Variants in GAD2 observed in about 807,000 individuals in gnomAD.
GAD2 encodes glutamate decarboxylase 2.
In GAD2, 22 loss-of-function variants were observed where a neutral mutation model predicts 80.1. The observed-to-expected ratio is 0.27, with a 90% CI of 0.20 to 0.39. The LOEUF is 0.39. Ranked by LOEUF, GAD2 falls within the 10% of genes least tolerant of loss-of-function variation. The pLI is 1.00. For synonymous variants in GAD2, 274 were observed against 256.9 expected, an observed-to-expected ratio of 1.07 and a Z score of -0.64; for missense variants, 624 against 738.4, an observed-to-expected ratio of 0.85 and a Z score of 1.80.
At position 26,292,913 on chromosome 10, in the gene GAD2, A is replaced by C; in HGVS notation, c.1506A>C (p.Thr502=). 2 of 1,613,924 alleles carry C rather than the reference A, an allele frequency of 1.2e-6. No individual in the cohort carries two copies. The highest frequency in any genetic ancestry group is 1.7e-6 in the Non-Finnish European group (2 of 1,179,864). The change falls in exon 15 of 16, where the codon ACA becomes ACC. Residue 502 remains threonine (T), a synonymous_variant. Transcript: ENST00000376261. ...TTTCCTCTTTGTAGCCTCAGCACAC[A>C]AATGTCTGCTTCTGGTACATTCCTC... ...EMVFDGKPQH[T]NVCFWYIPPS... is the part of the protein sequence containing the mutation.
chr10:26,276,370 ATTTATT>A (rs953142856), intron 11 of GAD2, among the ~76,000 whole-genome samples: 18 of 151,854 alleles, frequency 1.2e-4, no homozygotes, highest in Non-Finnish European at 2.2e-4. Flanking sequence ...TTGTATTTTT[ATTTATT>A]TTTATTTTTA....
chr10:26,280,832 A>G (rs1203561477), intron 11 of GAD2, among the ~76,000 whole-genome samples, 177 bp from the exon 12 acceptor site: 6 of 152,010 alleles, frequency 3.9e-5, no homozygotes, highest in Admixed American at 3.9e-4. Context: ...ATATACGTGT[A>G]ATAAATCTAC....
intron 7 of GAD2, among the ~76,000 whole-genome samples, chr10:26,239,858 G>C (rs1318339858): frequency 6.6e-6 from 1 of 152,192 alleles, no homozygotes; most frequent in African/African-American, 2.4e-5. Context: ...CAGAAGACCA[G>C]GAAAGCCAAC....
At chr10:26,224,331 A>G (rs8190615) in intron 5 of GAD2, among the ~76,000 whole-genome samples, 2,924 of 152,284 alleles carry the variant, frequency 0.019, 97 homozygotes, top group African/African-American at 0.066. Flanking sequence ...GCATTATGTC[A>G]GTAGTTGGAG....
upstream of GAD2, chr10:26,216,739 G>C: frequency 1.4e-6 from 2 of 1,379,546 alleles, no homozygotes; most frequent in South Asian, 1.2e-5. The surrounding 1 kb of genome is among the most constrained non-coding windows in gnomAD (Gnocchi z 4.7). Flanking sequence ...GCACGCGCGC[G>C]CAGGGCCAAG....
chr10:26,271,452 C>T (rs189256713), intron 10 of GAD2, among the ~76,000 whole-genome samples: 1 of 152,292 alleles, frequency 6.6e-6, no homozygotes, highest in East Asian at 1.9e-4. Context: ...TGTGGTTTGA[C>T]GATTAGCTAC....
intron 8 of GAD2, among the ~76,000 whole-genome samples, chr10:26,255,955 A>G (rs1417283473): frequency 1.3e-5 from 2 of 152,132 alleles, no homozygotes; most frequent in African/African-American, 4.8e-5. Context: ...GGCTTAGCCT[A>G]TGTTGACAAG....
rs1321248789 is a variant in GAD2 at position 26,219,241 on chromosome 10, A to T, written c.485A>T (p.His162Leu). The change falls in exon 4 of 16, where the codon CAT becomes CTT. Residue 162 changes from histidine (H) to leucine (L), a missense_variant. Physicochemically the swap from His to Leu is moderately conservative, Grantham distance 99. Coordinates refer to ENST00000376261, the MANE Select transcript of GAD2 (RefSeq NM_001134366.2). ...CAAAATTTGGAGGAAATTTTGATGCATTGCCAAACAACTCTAAAATATGCA... is the reference window on the plus strand; with the variant it reads ...CAAAATTTGGAGGAAATTTTGATGCTTTGCCAAACAACTCTAAAATATGCA... ...QPQNLEEILM[H>L]CQTTLKYAIK... 6.2e-7 allele frequency: 1 copy of T among 1,613,054 alleles called. No individual in the cohort carries two copies. The highest frequency in any genetic ancestry group is 8.5e-7 in the Non-Finnish European group (1 of 1,179,220).
intron 3 of GAD2, 149 bp from the exon 4 acceptor site, chr10:26,218,894 C>A: frequency 1.9e-6 from 1 of 540,050 alleles, no homozygotes; most frequent in Non-Finnish European, 3.1e-6. Context: ...AAAAATGTCT[C>A]CCTTTTAAAG....
chr10:26,245,258 G>A (rs1328069445), intron 7 of GAD2, among the ~76,000 whole-genome samples: 1 of 151,986 alleles, frequency 6.6e-6, no homozygotes, highest in Admixed American at 6.6e-5. Flanking sequence ...AGGAAAAATA[G>A]CTAATGCATG....
At position 26,301,616 on chromosome 10, in the gene GAD2, T is replaced by C. The variant is rs1036429883; in HGVS notation, c.*655T>C. ...AGGCACAATAAAACACTTAGCAAAG[T>C]TATTTTGAAACATTGACCCACGAAA... is the stretch of plus-strand genomic sequence containing the variant. On this transcript the variant is annotated 3_prime_UTR_variant, in exon 16 of 16. Coordinates refer to ENST00000376261, the MANE Select transcript of GAD2 (RefSeq NM_001134366.2). 22 of 152,178 alleles carry C rather than the reference T, an allele frequency of 1.4e-4. No homozygotes were observed. The highest frequency in any genetic ancestry group is 3.2e-4 in the Non-Finnish European group (22 of 68,036). The allele number at this position is 152,178 out of a possible 1,614,324, so 9.4% of individuals were successfully genotyped here. A position where few individuals can be genotyped will look rare whatever the true frequency, so the allele number is the denominator to read the frequency against.
In GAD2 at chr10:26,281,027, G is replaced by A; in HGVS notation, c.1176G>A (p.Trp392Ter). 6.2e-7 allele frequency: 1 copy of A among 1,613,828 alleles called. No homozygotes were observed. The highest frequency in any genetic ancestry group is 8.5e-7 in the Non-Finnish European group (1 of 1,179,790). Residue 392 changes from tryptophan to a stop codon, truncating the protein, a stop_gained, in exon 12 of 16, where the codon TGG (tryptophan) becomes TGA (stop). Coordinates refer to ENST00000376261, the MANE Select transcript of GAD2 (RefSeq NM_001134366.2). LOFTEE classifies it high-confidence loss of function. ...ATTTTAGGGCCAACTCTGTGACGTG[G>A]AATCCACACAAGATGATGGGAGTCC... ...SGVERANSVT[W>*]NPHKMMGVPL... is the part of the protein sequence containing the mutation.
At chr10:26,256,887 A>G (rs1436311083) in intron 8 of GAD2, among the ~76,000 whole-genome samples, 1 of 152,176 alleles carries the variant, frequency 6.6e-6, no homozygotes, top group Non-Finnish European at 1.5e-5. Context: ...ATGTTCACCC[A>G]CTAGTTTAGC....
chr10:26,226,143 G>A (rs1844519574), intron 6 of GAD2, among the ~76,000 whole-genome samples: 1 of 152,012 alleles, frequency 6.6e-6, no homozygotes, highest in African/African-American at 2.4e-5. Context: ...AGTTTTAATG[G>A]TCCCCGGGAG....
intron 4 of GAD2, among the ~76,000 whole-genome samples, chr10:26,221,312 G>T (rs943648519): frequency 6.6e-6 from 1 of 152,188 alleles, no homozygotes; most frequent in African/African-American, 2.4e-5. Context: ...TTCCACTTGG[G>T]CTCCAAGCTT....
chr10:26,238,005 GACACACACACACACAC>G (rs58551669), intron 7 of GAD2, among the ~76,000 whole-genome samples: 42 of 118,284 alleles, frequency 3.6e-4, no homozygotes, highest in Non-Finnish European at 2.5e-4. Flanking sequence ...CCATCACACA[GACACACACACACACAC>G]ACACACACAC....
chr10:26,246,853 A>G (rs1202842131), intron 8 of GAD2, among the ~76,000 whole-genome samples: 2 of 152,228 alleles, frequency 1.3e-5, no homozygotes, highest in Non-Finnish European at 2.9e-5. Flanking sequence ...GAGAAGACCT[A>G]GAAAGCTTCA....
intron 15 of GAD2, among the ~76,000 whole-genome samples, chr10:26,298,822 C>T (rs759620900): frequency 9.2e-5 from 14 of 152,216 alleles, no homozygotes; most frequent in Non-Finnish European, 1.2e-4. Flanking sequence ...TGACACGCCT[C>T]ACAACACAAA....
rs1245381954 is a variant in GAD2 at position 26,302,817 on chromosome 10, G to C, written c.*1856G>C. 6.6e-6 allele frequency: 1 copy of C among 152,146 alleles called. No homozygotes were observed. The highest frequency in any genetic ancestry group is 1.9e-4 in the East Asian group (1 of 5,200). The allele number at this position is 152,146 out of a possible 1,614,324, so 9.4% of individuals were successfully genotyped here. On this transcript the variant is annotated 3_prime_UTR_variant, in exon 16 of 16. Transcript: ENST00000376261. ...GCCCTTTCTGTCTAGAAAAACAAAT[G>C]GGTTCACTATGACAATCAGAAATAA...
Sources: allele counts gnomAD v4.1 joint callset (sites outside exome capture counted in the v4.1 genomes callset), GRCh38; gene constraint gnomAD v4.1.1; non-coding constraint Gnocchi (gnomAD v3.1); transcripts MANE v1.5; gene names NCBI Gene and HGNC (gene_info 2026-07-23, HGNC 2026-07-21).